Variants in STPG2 observed in about 807,000 individuals in gnomAD.
STPG2 encodes sperm tail PG-rich repeat containing 2, also known as sperm-tail PG-rich repeat-containing protein 2.
Under a neutral mutation model 54.2 loss-of-function variants are expected in STPG2, and 56 were observed. The observed-to-expected ratio is 1.03, with a 90% CI of 0.83 to 1.29. The LOEUF (loss-of-function observed/expected upper bound fraction) is 1.29, where lower values mean the gene tolerates loss of function less well. Ranked by LOEUF, STPG2 falls within the 50% of genes most tolerant of loss-of-function variation. STPG2 has a pLI of 0.00. For missense variants in STPG2, 596 were observed against 544.9 expected (o/e 1.09, Z -0.93); for synonymous variants, 200 against 181.8 (o/e 1.10, Z -0.81).
intron 9 of STPG2, among the ~76,000 whole-genome samples, chr4:97,839,724 G>A (rs1175557947): frequency 6.6e-6 from 1 of 151,552 alleles, no homozygotes; most frequent in Non-Finnish European, 1.5e-5. Context: ...GGATCTATAA[G>A]CTGGCAATAT....
chr4:98,103,924 A>AG (rs1739118120), intron 5 of STPG2, among the ~76,000 whole-genome samples: 1 of 152,066 alleles, frequency 6.6e-6, no homozygotes, highest in Admixed American at 6.6e-5. Flanking sequence ...CTCTACCCAT[A>AG]ATTTCTATTA....
At chr4:97,585,115 A>AAC (rs1244569228) in intron 10 of STPG2, among the ~76,000 whole-genome samples, 3 of 148,434 alleles carry the variant, frequency 2.0e-5, no homozygotes, top group Non-Finnish European at 3.0e-5. Context: ...AAAAAAAAAA[A>AAC]AAAAAAAAAC....
chr4:97,738,725 A>T (rs1725112426), intron 9 of STPG2, among the ~76,000 whole-genome samples: 1 of 152,096 alleles, frequency 6.6e-6, no homozygotes, highest in Non-Finnish European at 1.5e-5. Flanking sequence ...GTCCTGAGTG[A>T]CCTACAAAGA....
chr4:97,868,615 G>C (rs1481728721), intron 8 of STPG2, among the ~76,000 whole-genome samples: 1 of 151,778 alleles, frequency 6.6e-6, no homozygotes, highest in Non-Finnish European at 1.5e-5. Context: ...AATTTTGCCG[G>C]TCTGCTTTCT....
At chr4:97,538,302 A>C (rs1731590228) in intron 4 of STPG2, among the ~76,000 whole-genome samples, 1 of 152,188 alleles carries the variant, frequency 6.6e-6, no homozygotes, top group Admixed American at 6.5e-5. Context: ...AAAAAAGATT[A>C]GATGAATGGC....
chr4:97,666,631 G>T (rs1364702088), intron 10 of STPG2, among the ~76,000 whole-genome samples: 27 of 152,104 alleles, frequency 1.8e-4, no homozygotes, highest in Admixed American at 1.8e-3. Context: ...CAAAATCAGA[G>T]AAAAGAACAA....
At chr4:97,591,584 A>G (rs1297055239) in intron 10 of STPG2, among the ~76,000 whole-genome samples, 1 of 152,202 alleles carries the variant, frequency 6.6e-6, no homozygotes, top group Admixed American at 6.5e-5. Flanking sequence ...CTTGAAGGTG[A>G]AAAATGATGT....
chr4:97,962,358 T>C (rs772812421), intron 7 of STPG2, among the ~76,000 whole-genome samples: 1 of 151,890 alleles, frequency 6.6e-6, no homozygotes, highest in Non-Finnish European at 1.5e-5. Context: ...CCTGTGGAAA[T>C]TTAAAAAAAA....
At chr4:97,479,044 A>G (rs546419621) in intron 4 of STPG2, among the ~76,000 whole-genome samples, 1 of 151,956 alleles carries the variant, frequency 6.6e-6, no homozygotes, top group Non-Finnish European at 1.5e-5. Flanking sequence ...TCAAACAAAT[A>G]TTAGATTGAT....
intron 10 of STPG2, among the ~76,000 whole-genome samples, chr4:97,600,963 T>C (rs1464302454): frequency 6.6e-6 from 1 of 151,962 alleles, no homozygotes; most frequent in Non-Finnish European, 1.5e-5. Context: ...TGAAATAACC[T>C]AGCAAAGTGA....
At chr4:97,790,348 G>A (rs1437901967) in intron 9 of STPG2, among the ~76,000 whole-genome samples, 1 of 152,110 alleles carries the variant, frequency 6.6e-6, no homozygotes, top group Admixed American at 6.6e-5. Flanking sequence ...CAAATTTGCT[G>A]GCTTAAAATA....
intron 7 of STPG2, among the ~76,000 whole-genome samples, chr4:97,961,074 C>T (rs1377878882): frequency 7.0e-6 from 1 of 143,402 alleles, no homozygotes; most frequent in Non-Finnish European, 1.5e-5. Context: ...TTCAACAAAG[C>T]AAACAAAAAC....
intron 8 of STPG2, among the ~76,000 whole-genome samples, chr4:97,940,792 C>T (rs372338927): frequency 6.6e-6 from 1 of 152,092 alleles, no homozygotes; most frequent in African/African-American, 2.4e-5. Context: ...TGTGGCCATA[C>T]ACAAGTAACA....
At chr4:97,853,246 G>A (rs1260547207) in intron 8 of STPG2, among the ~76,000 whole-genome samples, 2 of 151,682 alleles carry the variant, frequency 1.3e-5, no homozygotes, top group Non-Finnish European at 2.9e-5. Flanking sequence ...GATTACAGGC[G>A]TGAGTCACCG....
At chr4:97,886,378 A>T (rs914195434) in intron 8 of STPG2, among the ~76,000 whole-genome samples, 2 of 152,200 alleles carry the variant, frequency 1.3e-5, no homozygotes, top group Non-Finnish European at 2.9e-5. Flanking sequence ...AGAAAAGAAA[A>T]CAGGAACCAA....
intron 9 of STPG2, among the ~76,000 whole-genome samples, chr4:97,827,015 A>C (rs1728279362): frequency 6.6e-6 from 1 of 152,220 alleles, no homozygotes. Context: ...TCCTGAATGC[A>C]GGTTTCTGAT....
At chr4:97,655,354 G>A (rs1244624024) in intron 10 of STPG2, among the ~76,000 whole-genome samples, 1 of 152,046 alleles carries the variant, frequency 6.6e-6, no homozygotes, top group Non-Finnish European at 1.5e-5. Context: ...AGGGACTAAA[G>A]TAGTTTTACT....
chr4:97,660,850 T>C (rs1307178766), intron 10 of STPG2, among the ~76,000 whole-genome samples: 2 of 152,140 alleles, frequency 1.3e-5, no homozygotes, highest in African/African-American at 4.8e-5. Context: ...AGAGCTTAGA[T>C]TGATGAAGTT....
intron 10 of STPG2, among the ~76,000 whole-genome samples, chr4:97,638,433 G>A (rs1426850808): frequency 2.0e-5 from 3 of 152,068 alleles, no homozygotes; most frequent in Admixed American, 1.3e-4. Flanking sequence ...CATAGGCATG[G>A]GCAAGGACTT....
Sources: allele counts gnomAD v4.1 joint callset (sites outside exome capture counted in the v4.1 genomes callset), GRCh38; gene constraint gnomAD v4.1.1; transcripts MANE v1.5; gene names NCBI Gene and HGNC (gene_info 2026-07-23, HGNC 2026-07-21).